Variants in BMP7 observed in about 807,000 individuals in gnomAD.
The protein encoded by BMP7 is osteogenic protein 1.
Under a neutral mutation model 41.2 loss-of-function variants are expected in BMP7, and 12 were observed. The ratio of observed to expected loss-of-function variants is 0.29; its 90% CI spans 0.19 to 0.47. BMP7 has a LOEUF of 0.47. Ranked by LOEUF, BMP7 falls within the 20% of genes least tolerant of loss-of-function variation. The pLI is 0.99. For synonymous variants in BMP7, 248 were observed against 250.0 expected, an observed-to-expected ratio of 0.99 and a Z score of 0.07; for missense variants, 467 against 606.0, an observed-to-expected ratio of 0.77 and a Z score of 2.41.
At chr20:57,250,437 G>A (rs2066107616) in intron 1 of BMP7, among the ~76,000 whole-genome samples, 1 of 149,350 alleles carries the variant, frequency 6.7e-6, no homozygotes, top group Non-Finnish European at 1.5e-5. Flanking sequence ...AGGCTGAGGT[G>A]GGAGGGTCAC....
intron 1 of BMP7, among the ~76,000 whole-genome samples, chr20:57,264,475 G>A (rs535638489): frequency 6.6e-6 from 1 of 150,982 alleles, no homozygotes; most frequent in South Asian, 2.1e-4. Flanking sequence ...TGGCGCTGCC[G>A]GGGGGTTAGT....
chr20:57,219,236 C>G (rs1311328055), intron 2 of BMP7, among the ~76,000 whole-genome samples: 1 of 127,942 alleles, frequency 7.8e-6, no homozygotes, highest in Admixed American at 7.1e-5. Flanking sequence ...TTGGTGGTAG[C>G]TGGTGTTTGC....
intron 2 of BMP7, among the ~76,000 whole-genome samples, chr20:57,211,252 G>A (rs968833807): frequency 1.1e-4 from 17 of 152,206 alleles, no homozygotes; most frequent in Non-Finnish European, 5.9e-5. Flanking sequence ...TATTACATGG[G>A]GATGGGGATT....
At chr20:57,212,675 G>A (rs1000638879) in intron 2 of BMP7, among the ~76,000 whole-genome samples, 12 of 152,230 alleles carry the variant, frequency 7.9e-5, no homozygotes, top group Admixed American at 6.5e-5. Context: ...GGGAGCACAG[G>A]CTTGCGGCTG....
intron 4 of BMP7, among the ~76,000 whole-genome samples, chr20:57,182,729 A>G (rs1302032263): frequency 6.6e-6 from 1 of 152,262 alleles, no homozygotes; most frequent in East Asian, 1.9e-4. Flanking sequence ...AGAACCACAC[A>G]ACATGATGGG....
At position 57,218,914 on chromosome 20, in the gene BMP7, C is replaced by CTGGTGTTTGGTGG. The variant is rs1985110469; in HGVS notation, c.611+9314_611+9315insCCACCAAACACCA. ...GGTGGTAGCTGGTGTTTGGTGGTAG[C>CTGGTGTTTGGTGG]TAGTGTTTGTTCAGTGGTAGCTGGT... is the stretch of plus-strand genomic sequence containing the variant. On this transcript the variant is annotated intron_variant, in intron 2 of 6. Transcript: ENST00000395863. 3.1e-5 allele frequency among the ~76,000 whole-genome samples: 4 copies of CTGGTGTTTGGTGG among 128,226 alleles called. 1 individual carries two copies. The highest frequency in any genetic ancestry group is 4.9e-5 in the Non-Finnish European group (3 of 60,710). 84.1% of individuals were successfully genotyped at this position (128,226 alleles called of 152,430 possible).
rs1983800138 is a variant in BMP7 at position 57,170,854 on chromosome 20, G to A, written c.*105C>T. 11 of 1,415,616 alleles carry A rather than the reference G, an allele frequency of 7.8e-6. No individual in the cohort carries two copies. In the South Asian group the frequency reaches 1.2e-4, roughly 16 times the overall value. The allele number at this position is 1,415,616 out of a possible 1,614,324, so 87.7% of individuals were successfully genotyped here. ...ACACCTTTAAAGTTGGGGATAGGGA[G>A]GGGAAGGTCTCACAAAAGGCAGTTG... On this transcript the variant is annotated 3_prime_UTR_variant, in exon 7 of 7. Coordinates refer to ENST00000395863, the MANE Select transcript of BMP7 (RefSeq NM_001719.3).
intron 1 of BMP7, among the ~76,000 whole-genome samples, chr20:57,253,608 G>A (rs1568730711): frequency 6.6e-6 from 1 of 152,106 alleles, no homozygotes; most frequent in Non-Finnish European, 1.5e-5. Flanking sequence ...ACAGGCTCTA[G>A]GACTGGCTCT....
intron 2 of BMP7, among the ~76,000 whole-genome samples, chr20:57,223,638 C>T (rs1472513075): frequency 6.6e-6 from 1 of 152,180 alleles, no homozygotes; most frequent in African/African-American, 2.4e-5. Context: ...GGCTCCGCAC[C>T]TGTAAAATGG....
rs148771158 is a variant in BMP7, at chr20:57,204,893, T to C, written c.612-2270A>G. The stretch of plus-strand genomic sequence containing the variant: ...CAAGACTCATGTTGAAAATCCCCAA[T>C]GCATCATTATTAAGAGGTGGGCCCT... On this transcript the variant is annotated intron_variant, in intron 2 of 6. Coordinates refer to ENST00000395863, the MANE Select transcript of BMP7 (RefSeq NM_001719.3). Among the ~76,000 whole-genome samples, 52 of 152,356 alleles carry C rather than the reference T, an allele frequency of 3.4e-4. No individual in the cohort carries two copies. The East Asian group carries it at 9.1e-3, about 27-fold the overall frequency.
chr20:57,185,254 T>C lies in BMP7; in HGVS notation c.761-1335A>G, dbSNP rs143471341. Among the ~76,000 whole-genome samples, 610 of 152,334 alleles carry C rather than the reference T, an allele frequency of 4.0e-3. 2 individuals are homozygous for C. Among genetic ancestry groups the C allele is most frequent in the African/African-American group, 0.014 (571 of 41,578 alleles). On this transcript the variant is annotated intron_variant, in intron 3 of 6. Coordinates refer to ENST00000395863, the MANE Select transcript of BMP7 (RefSeq NM_001719.3). ...TTATTTTGGTTTTAACTTTTTGTTG[T>C]GAAATGATTATAGATTCACAGGAAG...
At chr20:57,225,274 G>T (rs1392471208) in intron 2 of BMP7, among the ~76,000 whole-genome samples, 1 of 152,204 alleles carries the variant, frequency 6.6e-6, no homozygotes, top group Non-Finnish European at 1.5e-5. Context: ...CAAGCTCAGG[G>T]CTTTGTTCCT....
intron 1 of BMP7, among the ~76,000 whole-genome samples, chr20:57,253,551 T>C (rs1415789958): frequency 6.6e-6 from 1 of 152,170 alleles, no homozygotes; most frequent in African/African-American, 2.4e-5. Flanking sequence ...GTCGTGTTAA[T>C]GGGTCCGTAG....
At chr20:57,192,846 C>T (rs1984404765) in intron 3 of BMP7, among the ~76,000 whole-genome samples, 1 of 151,772 alleles carries the variant, frequency 6.6e-6, no homozygotes, top group African/African-American at 2.4e-5. Flanking sequence ...CTGAACTAAG[C>T]GATTCTTTGT....
At chr20:57,226,243 G>T (rs2066005675) in intron 2 of BMP7, among the ~76,000 whole-genome samples, 1 of 152,342 alleles carries the variant, frequency 6.6e-6, no homozygotes, top group East Asian at 1.9e-4. Context: ...AGAGCTGCCG[G>T]AGCTGAGTGG....
At chr20:57,236,779 A>T (rs1600638189) in intron 1 of BMP7, among the ~76,000 whole-genome samples, 1 of 147,724 alleles carries the variant, frequency 6.8e-6, no homozygotes, top group African/African-American at 2.5e-5. Flanking sequence ...AAAAAAAAAC[A>T]CCTGACGAGC....
chr20:57,247,213 G>A (rs748424245), intron 1 of BMP7, among the ~76,000 whole-genome samples: 14 of 152,210 alleles, frequency 9.2e-5, no homozygotes, highest in Non-Finnish European at 1.6e-4. Context: ...GTGAACATGT[G>A]ATTCAAACTG....
rs1983810993 is a variant in BMP7, at chr20:57,171,263, A to G, written c.1147-155T>C. 6.6e-6 allele frequency among the ~76,000 whole-genome samples: 1 copy of G among 152,218 alleles called. No homozygotes were observed. Among genetic ancestry groups the G allele is most frequent in the African/African-American group, 2.4e-5 (1 of 41,466 alleles). Reference sequence around the variant, plus strand: ...GCACTCCCTGTTCTAAGCACTTTACATGGACAACTCAGTTCTGGGATTATC... The same window carrying G: ...GCACTCCCTGTTCTAAGCACTTTACGTGGACAACTCAGTTCTGGGATTATC... On this transcript the variant is annotated intron_variant, in intron 6 of 6. Transcript: ENST00000395863. This position sits in a 1 kb window ranked among gnomAD's most constrained non-coding sequence, Gnocchi z 4.5.
intron 1 of BMP7, among the ~76,000 whole-genome samples, chr20:57,263,138 C>CAG (rs911170718): frequency 6.6e-6 from 1 of 152,144 alleles, no homozygotes; most frequent in African/African-American, 2.4e-5. Context: ...AGTTTAGGGA[C>CAG]AGAGAGAGAA....
Sources: gnomAD v4.1 joint callset for allele counts (sites outside exome capture counted in the v4.1 genomes callset) on GRCh38, gnomAD v4.1.1 for gene constraint, Gnocchi (gnomAD v3.1) non-coding constraint, MANE v1.5 for transcripts, NCBI Gene and HGNC (gene_info 2026-07-23, HGNC 2026-07-21) for gene names.